CFDP1: variants seen among roughly 807,000 people sequenced by gnomAD.
CFDP1 encodes chromatin remodeling protein CFDP1, also known as heterochromatin-stabilizing protein CFDP1.
Under a neutral mutation model 40.1 loss-of-function variants are expected in CFDP1, and 31 were observed. That is an observed-to-expected ratio of 0.77 (90% confidence interval 0.58 to 1.04). The LOEUF is 1.04. Ranked by LOEUF, CFDP1 falls within the 50% of genes least tolerant of loss-of-function variation. CFDP1 has a pLI of 0.00. For synonymous variants in CFDP1, 167 were observed against 120.0 expected (o/e 1.39, Z -2.56); for missense variants, 423 against 343.4 (o/e 1.23, Z -1.83).
At chr16:75,376,314 CAT>C (rs1285829281) in intron 5 of CFDP1, among the ~76,000 whole-genome samples, 1 of 152,116 alleles carries the variant, frequency 6.6e-6, no homozygotes, top group Non-Finnish European at 1.5e-5. Context: ...TAAATAAAAA[CAT>C]ATGTCTTCAA....
intron 5 of CFDP1, among the ~76,000 whole-genome samples, chr16:75,331,055 C>T (rs1470741206): frequency 6.6e-6 from 1 of 151,716 alleles, no homozygotes; most frequent in Non-Finnish European, 1.5e-5. Flanking sequence ...CTATTCAGGA[C>T]AGGCCTCCTC....
At chr16:75,305,225 G>T (rs1402779582) in intron 5 of CFDP1, 43 bp from the exon 6 acceptor site, 1 of 1,590,944 alleles carries the variant, frequency 6.3e-7, no homozygotes, top group South Asian at 1.1e-5. Context: ...TAAAAACTCT[G>T]ATCTCTATAT....
Position 75,412,682 on chromosome 16 carries a change from G to T in CFDP1, c.255C>A (p.Ser85Arg), listed in dbSNP as rs1482761601. The T allele has an allele frequency of 1.2e-6, 2 of 1,613,860 alleles. No individual in the cohort carries two copies. Among genetic ancestry groups the T allele is most frequent in the Non-Finnish European group, 8.5e-7 (1 of 1,180,008 alleles). ...CAGCGTCATCTTCCTCCTCACTACTGCTTCCCTCAGATTCTGAATTGGCAT... is the reference window on the plus strand; with the variant it reads ...CAGCGTCATCTTCCTCCTCACTACTTCTTCCCTCAGATTCTGAATTGGCAT... ...EEDANSESEGSSSEEEDDAAE... is the reference protein window; with the variant it reads ...EEDANSESEGRSSEEEDDAAE... Residue 85 changes from serine to arginine, a missense_variant, in exon 3 of 7, where the codon AGC becomes AGA. Coordinates refer to ENST00000283882, the MANE Select transcript of CFDP1 (RefSeq NM_006324.3).
At chr16:75,382,448 G>C (rs1209191107) in intron 5 of CFDP1, among the ~76,000 whole-genome samples, 2 of 152,140 alleles carry the variant, frequency 1.3e-5, no homozygotes, top group Non-Finnish European at 2.9e-5. Flanking sequence ...ATTCTGCCTG[G>C]CTTAGGCTTG....
At chr16:75,381,871 A>T (rs985168646) in intron 5 of CFDP1, among the ~76,000 whole-genome samples, 8 of 152,176 alleles carry the variant, frequency 5.3e-5, no homozygotes, top group African/African-American at 1.4e-4. Context: ...GTAGCAGTAG[A>T]TGATACTATT....
chr16:75,411,802 A>C, intron 4 of CFDP1, 23 bp downstream of exon 4: 1 of 1,602,120 alleles, frequency 6.2e-7, no homozygotes. Flanking sequence ...TGCTAGTTTC[A>C]AAGTTTTTGA....
rs202002820 is a variant in CFDP1 at position 75,395,193 on chromosome 16, C to T, written c.547G>A (p.Asp183Asn). 2.6e-4 allele frequency: 425 copies of T among 1,613,304 alleles called. No individual in the cohort carries two copies. Among genetic ancestry groups the T allele is most frequent in the Non-Finnish European group, 3.3e-4 (387 of 1,179,642 alleles). Residue 183 changes from aspartate to asparagine, a missense_variant, in exon 5 of 7, where the codon GAT becomes AAT. Physicochemically the swap from Asp to Asn is conservative, Grantham distance 23. Transcript: ENST00000283882. ...GEEVRVTKEV[D>N]ATSKEAKSFF... ...GATTTGGCCTCTTTAGATGTAGCAT[C>T]CACTTCCTTAGTTACCCTGTGCCAA...
intron 5 of CFDP1, among the ~76,000 whole-genome samples, chr16:75,389,823 C>T (rs746887286): frequency 2.0e-5 from 3 of 152,156 alleles, no homozygotes; most frequent in South Asian, 4.1e-4. Context: ...AATGTGCCCA[C>T]TCAGATACCC....
intron 5 of CFDP1, among the ~76,000 whole-genome samples, chr16:75,319,271 T>C (rs185130051): frequency 9.9e-5 from 15 of 152,200 alleles, no homozygotes; most frequent in Admixed American, 2.6e-4. Flanking sequence ...CTTGATCTCT[T>C]GACCTTATAA....
At chr16:75,392,282 G>A (rs567830867) in intron 5 of CFDP1, among the ~76,000 whole-genome samples, 1 of 151,948 alleles carries the variant, frequency 6.6e-6, no homozygotes, top group East Asian at 2.0e-4. Context: ...GCACGTGCCT[G>A]TAATCCCAGC....
intron 5 of CFDP1, among the ~76,000 whole-genome samples, chr16:75,359,589 A>G (rs899161456): frequency 1.3e-5 from 2 of 152,142 alleles, no homozygotes; most frequent in Admixed American, 1.3e-4. Flanking sequence ...CACTAAACCA[A>G]TCTTTCCTGA....
intron 5 of CFDP1, among the ~76,000 whole-genome samples, chr16:75,388,115 T>C (rs2078915427): frequency 6.6e-6 from 1 of 152,196 alleles, no homozygotes; most frequent in South Asian, 2.1e-4. Flanking sequence ...GGAATCCGAG[T>C]TCGACCAATC....
chr16:75,305,392 G>T (rs184977272), intron 5 of CFDP1: 2 of 540,928 alleles, frequency 3.7e-6, no homozygotes. Context: ...ACCACTGTCT[G>T]CTCTCCTGAG....
chr16:75,422,502 C>T lies in CFDP1; in HGVS notation c.65-7807G>A, dbSNP rs185385659. Among the ~76,000 whole-genome samples, 4 of 149,656 alleles carry T rather than the reference C, an allele frequency of 2.7e-5. No individual in the cohort carries two copies. In the Admixed American group the frequency reaches 2.7e-4, roughly 10 times the overall value. ...ACGATCCTCCCGGGTTCAAGTGATT[C>T]TCCTGCCTCAGCCTCACGAATACCT... On this transcript the variant is annotated intron_variant, in intron 1 of 6. Transcript: ENST00000283882.
At chr16:75,298,159 A>T (rs1247910295) in intron 6 of CFDP1, among the ~76,000 whole-genome samples, 1 of 152,246 alleles carries the variant, frequency 6.6e-6, no homozygotes, top group Middle Eastern at 3.2e-3. Flanking sequence ...GTGTTTGTTT[A>T]AACTTGGGTC....
intron 5 of CFDP1, among the ~76,000 whole-genome samples, chr16:75,322,905 A>C (rs1042343734): frequency 6.6e-6 from 1 of 152,214 alleles, no homozygotes; most frequent in Non-Finnish European, 1.5e-5. Flanking sequence ...CAGGACTGGA[A>C]GTTGCTCTGG....
chr16:75,322,084 A>C (rs1301219080), intron 5 of CFDP1, among the ~76,000 whole-genome samples: 1 of 152,194 alleles, frequency 6.6e-6, no homozygotes, highest in Non-Finnish European at 1.5e-5. Flanking sequence ...TCGGCCTCCC[A>C]AAGTGCTGGG....
At chr16:75,351,204 C>A (rs529173892) in intron 5 of CFDP1, among the ~76,000 whole-genome samples, 1 of 152,272 alleles carries the variant, frequency 6.6e-6, no homozygotes, top group East Asian at 1.9e-4. Context: ...TTGTAAGTAG[C>A]TGTACTGTTT....
chr16:75,350,066 T>G (rs890448693), intron 5 of CFDP1, among the ~76,000 whole-genome samples: 3 of 152,150 alleles, frequency 2.0e-5, no homozygotes, highest in Admixed American at 1.3e-4. Flanking sequence ...TATTCTTAGT[T>G]TGCTAAGTGT....
Sources: allele counts gnomAD v4.1 joint callset (sites outside exome capture counted in the v4.1 genomes callset), GRCh38; gene constraint gnomAD v4.1.1; transcripts MANE v1.5; gene names NCBI Gene and HGNC (gene_info 2026-07-23, HGNC 2026-07-21).